The following CDK5RAP2 variants were observed in gnomAD, a reference collection of about 807,000 sequenced individuals.
CDK5RAP2 encodes CDK5 regulatory subunit-associated protein 2.
In CDK5RAP2, 147 loss-of-function variants were observed where a neutral mutation model predicts 232.9. The ratio of observed to expected loss-of-function variants is 0.63; its 90% confidence interval spans 0.55 to 0.72. CDK5RAP2 has a LOEUF of 0.72. Ranked by LOEUF, CDK5RAP2 falls within the 30% of genes least tolerant of loss-of-function variation. The probability of loss-of-function intolerance (pLI) is 0.00; values close to 1 mark genes in which losing one functional copy is unlikely to be tolerated. For synonymous variants in CDK5RAP2, 833 were observed against 833.7 expected, an observed-to-expected ratio of 1.00 and a Z score of 0.01; for missense variants, 2,195 against 2,231.5, an observed-to-expected ratio of 0.98 and a Z score of 0.33.
chr9:120,487,394 T>C lies in CDK5RAP2; in HGVS notation c.1526A>G (p.Tyr509Cys), dbSNP rs755395140. The C allele has an allele frequency of 8.7e-6, 14 of 1,613,592 alleles. No individual in the cohort carries two copies. Among genetic ancestry groups the C allele is most frequent in the East Asian group, 2.2e-5 (1 of 44,886 alleles). ...CTCAAGATCCTCTGCAGCCATTAAATAGCAGTTCTGCTGTATTACTTCCAA... is the reference window on the plus strand; with the variant it reads ...CTCAAGATCCTCTGCAGCCATTAAACAGCAGTTCTGCTGTATTACTTCCAA... ...KDLEVIQQNC[Y>C]LMAAEDLELR... The change falls in exon 14 of 38, where the codon TAT (tyrosine) becomes TGT (cysteine). Residue 509 changes from tyrosine (Y) to cysteine (C), a missense_variant. Coordinates refer to ENST00000349780, the MANE Select transcript of CDK5RAP2 (RefSeq NM_018249.6).
intron 12 of CDK5RAP2, among the ~76,000 whole-genome samples, chr9:120,503,837 T>C (rs913280230): frequency 1.3e-5 from 2 of 151,980 alleles, no homozygotes; most frequent in African/African-American, 4.8e-5. Flanking sequence ...CACATGGCCA[T>C]GGCATCACCA....
chr9:120,453,646 A>G lies in CDK5RAP2; in HGVS notation c.2603T>C (p.Leu868Pro). 6.2e-7 allele frequency: 1 copy of G among 1,614,200 alleles called. No individual in the cohort carries two copies. The highest frequency in any genetic ancestry group is 8.5e-7 in the Non-Finnish European group (1 of 1,180,044). The change falls in exon 21 of 38, where the codon CTG (leucine) becomes CCG (proline). Residue 868 changes from leucine to proline, a missense_variant. Transcript: ENST00000349780. ...VKAGEVPKVG[L>P]KDASVQTVAT... ...CACAGTCTGCACTGAGGCATCTTTC[A>G]GTCCTACCTTGGGCACTTCGCCTGC...
chr9:120,400,960 A>G, intron 34 of CDK5RAP2, 75 bp from the exon 35 acceptor site: 10 of 1,535,908 alleles, frequency 6.5e-6, no homozygotes, highest in Non-Finnish European at 9.0e-6. Context: ...AACATGCAGT[A>G]TAAATCTCCA....
At chr9:120,572,118 A>C in intron 1 of CDK5RAP2, 77 bp from the exon 2 acceptor site, 1 of 1,113,978 alleles carries the variant, frequency 9.0e-7, no homozygotes. Flanking sequence ...TGGACTGCAC[A>C]TGACAATCAT....
Position 120,453,713 on chromosome 9 carries a change from G to A in CDK5RAP2, c.2536C>T (p.His846Tyr), listed in dbSNP as rs1371321369. The change falls in exon 21 of 38, where the codon CAT becomes TAT. Residue 846 changes from histidine to tyrosine, a missense_variant. Coordinates refer to ENST00000349780, the MANE Select transcript of CDK5RAP2 (RefSeq NM_018249.6). ...TCACAAGACAACTTCAGTTCATCAT[G>A]TGGCTTGGAAAATGAGTTGGTTTGG... ...FVQTNSFSKP[H>Y]DELKLSCEAQ... is the part of the protein sequence containing the mutation. 6.2e-7 allele frequency: 1 copy of A among 1,614,116 alleles called. No individual in the cohort carries two copies. Among genetic ancestry groups the A allele is most frequent in the Non-Finnish European group, 8.5e-7 (1 of 1,180,042 alleles).
At chr9:120,493,302 T>G (rs2038996727) in intron 12 of CDK5RAP2, among the ~76,000 whole-genome samples, 1 of 152,180 alleles carries the variant, frequency 6.6e-6, no homozygotes, top group African/African-American at 2.4e-5. Flanking sequence ...GCCACCAAGT[T>G]TGTGGTAATT....
At chr9:120,408,321 C>T in intron 31 of CDK5RAP2, 26 bp downstream of exon 31, 3 of 1,613,426 alleles carry the variant, frequency 1.9e-6, no homozygotes, top group Middle Eastern at 1.8e-4. Flanking sequence ...AGCACAGTAG[C>T]CTCAAGGTGA....
At position 120,413,818 on chromosome 9, in the gene CDK5RAP2, GAGGGA is replaced by G. The variant is rs1449869828; in HGVS notation, c.4297+1217_4297+1221del. On this transcript the variant is annotated intron_variant, in intron 28 of 37. Transcript: ENST00000349780. ...ATGGGCGCAGTGAGCGAGGAGGGAG[GAGGGA>G]GGAGGGAGGAGGGAGGAGGGAAGGA... is the stretch of plus-strand genomic sequence containing the variant. 1.2e-3 allele frequency among the ~76,000 whole-genome samples: 164 copies of G among 139,424 alleles called. 1 individual carries two copies. The highest frequency in any genetic ancestry group is 3.6e-3 in the Middle Eastern group (1 of 276). 91.5% of individuals were successfully genotyped at this position (139,424 alleles called of 152,430 possible). A position where few individuals can be genotyped will look rare whatever the true frequency, so the allele number is the denominator to read the frequency against.
chr9:120,396,412 G>C (rs1313587163), intron 35 of CDK5RAP2, among the ~76,000 whole-genome samples: 1 of 152,244 alleles, frequency 6.6e-6, no homozygotes, highest in African/African-American at 2.4e-5. Flanking sequence ...TTGCAGTAGA[G>C]TGAGACTCAA....
At chr9:120,533,063 C>A (rs2041225613) in intron 7 of CDK5RAP2, among the ~76,000 whole-genome samples, 6 of 152,206 alleles carry the variant, frequency 3.9e-5, no homozygotes, top group Admixed American at 3.9e-4. Context: ...ACTCGCAGGA[C>A]TCCTTGTCTG....
At chr9:120,496,441 T>A in intron 12 of CDK5RAP2, among the ~76,000 whole-genome samples, 1 of 123,178 alleles carries the variant, frequency 8.1e-6, no homozygotes, top group Non-Finnish European at 1.7e-5. Context: ...GGGGCGCCTC[T>A]GCCCGGCCGC....
chr9:120,534,968 C>T (rs770641258), intron 7 of CDK5RAP2, among the ~76,000 whole-genome samples: 7 of 152,166 alleles, frequency 4.6e-5, no homozygotes, highest in Non-Finnish European at 7.4e-5. Context: ...CCTGGAAAGG[C>T]CAGTACTCTG....
intron 7 of CDK5RAP2, among the ~76,000 whole-genome samples, chr9:120,532,770 TG>T (rs1213362900): frequency 2.0e-5 from 3 of 152,150 alleles, no homozygotes; most frequent in Admixed American, 1.3e-4. Flanking sequence ...ACTGACATGT[TG>T]GGTTTTGGTG....
Position 120,532,300 on chromosome 9 carries a change from G to T in CDK5RAP2, c.663-2160C>A, listed in dbSNP as rs536055309. Among the ~76,000 whole-genome samples the T allele has an allele frequency of 2.0e-5, 3 of 152,142 alleles. No homozygotes were observed. The East Asian group carries it at 5.8e-4, about 29-fold the overall frequency. On this transcript the variant is annotated intron_variant, in intron 7 of 37. Transcript: ENST00000349780. ...TATCTGTTGGCATATTTGATCTGCA[G>T]GACTTCCCAGTATTAACTGCCTTAA...
intron 27 of CDK5RAP2, 115 bp from the exon 28 acceptor site, chr9:120,415,274 T>A: frequency 1.6e-6 from 2 of 1,221,334 alleles, no homozygotes; most frequent in Non-Finnish European, 2.4e-6. Flanking sequence ...TTAAGATGGT[T>A]AGCAACTGGC....
intron 14 of CDK5RAP2, among the ~76,000 whole-genome samples, chr9:120,481,273 T>C (rs1474968929): frequency 1.3e-5 from 2 of 152,162 alleles, no homozygotes; most frequent in East Asian, 1.9e-4. Flanking sequence ...TGCCCCATAA[T>C]AGATGCCTTA....
At chr9:120,492,618 GA>G (rs1349291716) in intron 12 of CDK5RAP2, among the ~76,000 whole-genome samples, 1 of 152,136 alleles carries the variant, frequency 6.6e-6, no homozygotes, top group African/African-American at 2.4e-5. Flanking sequence ...TAACCAAACA[GA>G]CAGAAATTGT....
chr9:120,505,460 C>A (rs2039767788), intron 12 of CDK5RAP2, among the ~76,000 whole-genome samples: 1 of 152,096 alleles, frequency 6.6e-6, no homozygotes, highest in African/African-American at 2.4e-5. Flanking sequence ...AGTGAATAAC[C>A]CTATAATGGC....
intron 12 of CDK5RAP2, among the ~76,000 whole-genome samples, chr9:120,498,068 G>C (rs994780006): frequency 6.6e-6 from 1 of 152,198 alleles, no homozygotes; most frequent in African/African-American, 2.4e-5. Flanking sequence ...ATCTCAAGTA[G>C]CAGAACATGT....
Sources: allele counts gnomAD v4.1 joint callset (sites outside exome capture counted in the v4.1 genomes callset), GRCh38; gene constraint gnomAD v4.1.1; transcripts MANE v1.5; gene names NCBI Gene and HGNC (gene_info 2026-07-23, HGNC 2026-07-21).